Variants in CSMD1 observed in about 807,000 individuals in gnomAD.
The protein encoded by CSMD1 is CUB and sushi domain-containing protein 1.
Under a neutral mutation model 417.5 loss-of-function variants are expected in CSMD1, and 213 were observed. The observed-to-expected ratio is 0.51, with a 90% CI of 0.46 to 0.57. CSMD1 has a LOEUF of 0.57. Ranked by LOEUF, CSMD1 falls within the 20% of genes least tolerant of loss-of-function variation. The pLI is 0.00. For synonymous variants in CSMD1, 2,862 were observed against 1,736.8 expected, an observed-to-expected ratio of 1.65 and a Z score of -16.11; for missense variants, 6,923 against 4,529.7, an observed-to-expected ratio of 1.53 and a Z score of -15.17.
At chr8:3,540,736 C>T (rs573030568) in intron 10 of CSMD1, among the ~76,000 whole-genome samples, 2 of 152,116 alleles carry the variant, frequency 1.3e-5, no homozygotes. Flanking sequence ...CATGAACAGA[C>T]ACTTCTCAAA....
intron 3 of CSMD1, among the ~76,000 whole-genome samples, chr8:4,406,503 T>A (rs540281873): frequency 1.3e-5 from 2 of 152,158 alleles, no homozygotes; most frequent in Non-Finnish European, 2.9e-5. Flanking sequence ...ACAAGGAATT[T>A]GACTAGTTGA....
intron 5 of CSMD1, among the ~76,000 whole-genome samples, chr8:3,880,689 T>C (rs1172139164): frequency 6.6e-6 from 1 of 152,188 alleles, no homozygotes; most frequent in Non-Finnish European, 1.5e-5. Context: ...TTGCACACGT[T>C]TCCCAAATCC....
intron 3 of CSMD1, among the ~76,000 whole-genome samples, chr8:4,246,664 CA>C (rs1000936304): frequency 1.2e-4 from 18 of 151,912 alleles, no homozygotes; most frequent in African/African-American, 4.3e-4. Flanking sequence ...GCAAAAGAAA[CA>C]AAAAACAACT....
intron 5 of CSMD1, among the ~76,000 whole-genome samples, chr8:3,831,320 C>G (rs1000973319): frequency 2.0e-5 from 3 of 152,260 alleles, no homozygotes; most frequent in African/African-American, 7.2e-5. Flanking sequence ...GCATTTCGGA[C>G]AGCTCCATCT....
intron 7 of CSMD1, among the ~76,000 whole-genome samples, chr8:3,670,649 T>C (rs961038819): frequency 7.7e-6 from 1 of 129,272 alleles, no homozygotes; most frequent in African/African-American, 2.8e-5. Flanking sequence ...ATATGAAGGA[T>C]ATATACATGG....
At chr8:4,016,925 T>A (rs929593927) in intron 4 of CSMD1, among the ~76,000 whole-genome samples, 2 of 152,204 alleles carry the variant, frequency 1.3e-5, no homozygotes, top group Non-Finnish European at 2.9e-5. Flanking sequence ...ATCCCAATTG[T>A]TGAAATCTCA....
intron 7 of CSMD1, among the ~76,000 whole-genome samples, chr8:3,644,090 C>G (rs771827950): frequency 2.0e-5 from 3 of 152,086 alleles, no homozygotes; most frequent in African/African-American, 7.2e-5. Flanking sequence ...CCAGGGCAGC[C>G]CTTCTACACC....
In CSMD1 at chr8:3,347,909, A is replaced by G. The variant is rs192009905; in HGVS notation, c.3474+83T>C. On this transcript the variant is annotated intron_variant, in intron 22 of 69. Transcript: ENST00000635120. ...AAAATATATGTTAATATGTGCATAT[A>G]TCTATATGTAGAAAAATAGATAGAC... is the stretch of plus-strand genomic sequence containing the variant. The G allele has an allele frequency of 2.0e-5, 17 of 869,038 alleles. No individual in the cohort carries two copies. The Admixed American group carries it at 5.4e-4, about 27-fold the overall frequency. The allele number at this position is 869,038 out of a possible 1,614,324, so 53.8% of individuals were successfully genotyped here. A position where few individuals can be genotyped will look rare whatever the true frequency, so the allele number is the denominator to read the frequency against.
intron 3 of CSMD1, among the ~76,000 whole-genome samples, chr8:4,233,428 C>T (rs537261352): frequency 6.6e-6 from 1 of 152,262 alleles, no homozygotes; most frequent in African/African-American, 2.4e-5. Context: ...AAACCTGACC[C>T]CGAATGTGAT....
intron 11 of CSMD1, among the ~76,000 whole-genome samples, chr8:3,491,753 T>G (rs998408761): frequency 2.0e-5 from 3 of 152,200 alleles, no homozygotes; most frequent in Non-Finnish European, 2.9e-5. Context: ...TATAACAGAC[T>G]GCATCTTTTT....
chr8:3,292,772 T>C (rs924386252), intron 25 of CSMD1, among the ~76,000 whole-genome samples: 2 of 152,148 alleles, frequency 1.3e-5, no homozygotes, highest in East Asian at 1.9e-4. Context: ...GGTCTTGACT[T>C]TTTATGCAAT....
intron 25 of CSMD1, among the ~76,000 whole-genome samples, chr8:3,286,045 C>T (rs983663012): frequency 1.3e-5 from 2 of 152,072 alleles, no homozygotes; most frequent in Non-Finnish European, 2.9e-5. Flanking sequence ...TCTCACTGTT[C>T]AACTCCCACC....
intron 3 of CSMD1, among the ~76,000 whole-genome samples, chr8:4,102,918 T>A (rs1232044510): frequency 1.3e-5 from 2 of 152,058 alleles, no homozygotes; most frequent in Non-Finnish European, 2.9e-5. Context: ...AGTGCTGGAG[T>A]CACACATTTA....
At chr8:4,552,065 T>C (rs1247191087) in intron 2 of CSMD1, among the ~76,000 whole-genome samples, 6 of 152,196 alleles carry the variant, frequency 3.9e-5, no homozygotes, top group African/African-American at 7.2e-5. Flanking sequence ...CAAATTATTG[T>C]CAATTGAATG....
intron 25 of CSMD1, among the ~76,000 whole-genome samples, 179 bp downstream of exon 25, chr8:3,307,516 G>T (rs1296527358): frequency 6.6e-6 from 1 of 152,160 alleles, no homozygotes; most frequent in Non-Finnish European, 1.5e-5. Flanking sequence ...TTAATTAATG[G>T]TTTCAAGGCA....
intron 3 of CSMD1, among the ~76,000 whole-genome samples, chr8:4,387,488 C>T (rs533133292): frequency 7.5e-6 from 1 of 134,168 alleles, no homozygotes; most frequent in South Asian, 2.5e-4. Flanking sequence ...TCATATCATA[C>T]TTGCATAATT....
intron 3 of CSMD1, among the ~76,000 whole-genome samples, chr8:4,077,890 T>C (rs1563093669): frequency 2.0e-5 from 3 of 152,094 alleles, no homozygotes; most frequent in Non-Finnish European, 2.9e-5. Context: ...TGATGCCCAA[T>C]ATAGCAATGT....
chr8:3,164,997 ATTATAATTAAT>A (rs1215861820), intron 37 of CSMD1, among the ~76,000 whole-genome samples: 1 of 151,826 alleles, frequency 6.6e-6, no homozygotes, highest in Admixed American at 6.5e-5. Context: ...CCTTTAAGGA[ATTATAATTAAT>A]TTATAATTAA....
intron 10 of CSMD1, among the ~76,000 whole-genome samples, chr8:3,546,808 A>T (rs1798686285): frequency 6.6e-6 from 1 of 152,246 alleles, no homozygotes. Context: ...TCCCTGAAGA[A>T]CATCATTTAC....
Sources: gnomAD v4.1 joint callset for allele counts (sites outside exome capture counted in the v4.1 genomes callset) on GRCh38, gnomAD v4.1.1 for gene constraint, MANE v1.5 for transcripts, NCBI Gene and HGNC (gene_info 2026-07-23, HGNC 2026-07-21) for gene names.